Variants in RASA2 observed in about 807,000 individuals in gnomAD.
The protein encoded by RASA2 is RAS p21 protein activator 2.
Under a neutral mutation model 118.2 loss-of-function variants are expected in RASA2, and 155 were observed. That is an observed-to-expected ratio of 1.31 (90% CI 1.15 to 1.50). The LOEUF is 1.50. Among genes scored for constraint, RASA2 ranks in the 40% most tolerant of loss-of-function variants. The probability of loss-of-function intolerance (pLI) is 0.00; values close to 1 mark genes in which losing one functional copy is unlikely to be tolerated. For synonymous variants in RASA2, 353 were observed against 349.1 expected (o/e 1.01, Z -0.12); for missense variants, 1,016 against 1,009.6 (o/e 1.01, Z -0.09).
At chr3:141,554,045 C>T (rs1260095455) in intron 6 of RASA2, 105 bp downstream of exon 6, 1 of 1,445,334 alleles carries the variant, frequency 6.9e-7, no homozygotes, top group South Asian at 1.5e-5. Context: ...ATTTATAACA[C>T]ACAGTAATAA....
At chr3:141,509,773 A>G (rs528593872) in intron 1 of RASA2, among the ~76,000 whole-genome samples, 22 of 152,276 alleles carry the variant, frequency 1.4e-4, no homozygotes, top group African/African-American at 5.1e-4. Context: ...GAGAAGAGGA[A>G]TAACTAGTCT....
chr3:141,592,099 T>C (rs1176999690), intron 19 of RASA2, among the ~76,000 whole-genome samples: 1 of 152,074 alleles, frequency 6.6e-6, no homozygotes. Flanking sequence ...TGTTGGATTA[T>C]AATAAATCAG....
intron 17 of RASA2, among the ~76,000 whole-genome samples, chr3:141,581,925 C>T (rs562392681): frequency 2.6e-4 from 40 of 152,166 alleles, no homozygotes; most frequent in Non-Finnish European, 4.9e-4. Flanking sequence ...ATAGCATTAT[C>T]GTAAAATGCT....
intron 4 of RASA2, among the ~76,000 whole-genome samples, chr3:141,530,556 C>T (rs6800122): frequency 0.47 from 70,988 of 151,678 alleles, 17,957 homozygotes; most frequent in African/African-American, 0.67. Context: ...TCTTCCTCTC[C>T]AAAAGAAGTT....
intron 15 of RASA2, among the ~76,000 whole-genome samples, chr3:141,580,085 A>AAAAATATAT (rs1553797703): frequency 1.2e-4 from 7 of 59,596 alleles, no homozygotes; most frequent in Admixed American, 7.5e-4. Context: ...AAAAAAAAAA[A>AAAAATATAT]ATATATATAT....
At chr3:141,568,349 G>T (rs944623017) in intron 9 of RASA2, among the ~76,000 whole-genome samples, 4 of 152,056 alleles carry the variant, frequency 2.6e-5, no homozygotes, top group Non-Finnish European at 2.9e-5. Flanking sequence ...TTATAAATGT[G>T]TATATATGCA....
At chr3:141,537,874 A>G (rs770391565) in intron 4 of RASA2, among the ~76,000 whole-genome samples, 48 of 152,130 alleles carry the variant, frequency 3.2e-4, no homozygotes, top group Non-Finnish European at 5.3e-4. Context: ...CTTCTGGCAT[A>G]TTCTGTAATT....
In RASA2 at chr3:141,614,383, T is replaced by A. The variant is rs2083696257; in HGVS notation, c.*2070T>A. 6.6e-6 allele frequency: 1 copy of A among 152,212 alleles called. No homozygotes were observed. The highest frequency in any genetic ancestry group is 1.5e-5 in the Non-Finnish European group (1 of 68,022). 9.4% of individuals were successfully genotyped at this position (152,212 alleles called of 1,614,324 possible). On this transcript the variant is annotated 3_prime_UTR_variant, in exon 24 of 24. Coordinates refer to ENST00000286364, the MANE Select transcript of RASA2 (RefSeq NM_006506.5). ...GGAGTAATGTGAAATTAAATTATTT[T>A]TCTTTGAAAGTCTTTTGAAATAAGA... is the stretch of plus-strand genomic sequence containing the variant.
chr3:141,555,917 T>C lies in RASA2; in HGVS notation c.684+5T>C. On this transcript the variant is annotated splice_donor_5th_base_variant and intron_variant, in intron 7 of 23. Transcript: ENST00000286364. ...AATGAAATCTTTTATTTTGAGGTAA[T>C]TTTTTGTTTTACGTAAATGTTAACA... 5 of 1,597,250 alleles carry C rather than the reference T, an allele frequency of 3.1e-6. No homozygotes were observed. Among genetic ancestry groups the C allele is most frequent in the Non-Finnish European group, 4.3e-6 (5 of 1,169,360 alleles).
At chr3:141,580,305 A>G in intron 15 of RASA2, 63 bp from the exon 16 acceptor site, 3 of 1,285,292 alleles carry the variant, frequency 2.3e-6, no homozygotes, top group South Asian at 1.3e-5. Flanking sequence ...ACTCTATTCT[A>G]CTTTTTTATA....
At position 141,545,844 on chromosome 3, in the gene RASA2, A is replaced by G. The variant is rs139295835; in HGVS notation, c.527+5235A>G. Among the ~76,000 whole-genome samples, 11 of 152,016 alleles carry G rather than the reference A, an allele frequency of 7.2e-5. No individual in the cohort carries two copies. In the East Asian group the frequency reaches 1.9e-3, roughly 27 times the overall value. On this transcript the variant is annotated intron_variant, in intron 5 of 23. Transcript: ENST00000286364. ...GATCTTATCCATTATATCTAACTAT[A>G]TTTTTGTACCCTCACTTCCCGTCCC...
At chr3:141,498,376 A>C (rs1388708701) in intron 1 of RASA2, among the ~76,000 whole-genome samples, 1 of 150,424 alleles carries the variant, frequency 6.6e-6, no homozygotes, top group East Asian at 1.9e-4. Context: ...TGTTGTCAAG[A>C]AGTTGATAAT....
chr3:141,511,886 T>C (rs558479623), intron 1 of RASA2, among the ~76,000 whole-genome samples: 84 of 152,132 alleles, frequency 5.5e-4, no homozygotes, highest in Admixed American at 2.0e-3. Flanking sequence ...ACTGGTGGAA[T>C]GGGATAGAGA....
chr3:141,559,771 T>A (rs2082703144), intron 8 of RASA2, 123 bp from the exon 9 acceptor site: 1 of 752,594 alleles, frequency 1.3e-6, no homozygotes, highest in Admixed American at 2.4e-5. Flanking sequence ...ATGGTGTTGC[T>A]AACATCTTTT....
intron 15 of RASA2, among the ~76,000 whole-genome samples, chr3:141,580,092 A>ATG (rs2083085893): frequency 1.0e-5 from 1 of 96,300 alleles, no homozygotes; most frequent in South Asian, 3.0e-4. Context: ...AAAAATATAT[A>ATG]TATATATATA....
chr3:141,608,040 C>T (rs2083575458), intron 20 of RASA2, among the ~76,000 whole-genome samples: 1 of 152,136 alleles, frequency 6.6e-6, no homozygotes, highest in African/African-American at 2.4e-5. Flanking sequence ...CAAGATTTCC[C>T]TGTTATACTG....
intron 23 of RASA2, among the ~76,000 whole-genome samples, chr3:141,610,385 ATATATT>A (rs1230077095): frequency 5.2e-5 from 5 of 96,236 alleles, no homozygotes; most frequent in South Asian, 2.9e-4. Flanking sequence ...TTTATATATT[ATATATT>A]TATATTTATA....
At chr3:141,506,222 A>G (rs759089255) in intron 1 of RASA2, among the ~76,000 whole-genome samples, 7 of 152,246 alleles carry the variant, frequency 4.6e-5, no homozygotes, top group Non-Finnish European at 1.0e-4. Context: ...TCGTAGAGGA[A>G]CAGTTGGTTG....
intron 2 of RASA2, among the ~76,000 whole-genome samples, chr3:141,516,091 A>C (rs943471336): frequency 4.0e-5 from 6 of 149,868 alleles, no homozygotes; most frequent in African/African-American, 1.2e-4. Flanking sequence ...TAGGAGATAT[A>C]CCTAATGTAA....
Sources: allele counts gnomAD v4.1 joint callset (sites outside exome capture counted in the v4.1 genomes callset), GRCh38; gene constraint gnomAD v4.1.1; transcripts MANE v1.5; gene names NCBI Gene and HGNC (gene_info 2026-07-23, HGNC 2026-07-21).